The following GRIA4 variants were observed in gnomAD, a reference collection of about 807,000 sequenced individuals.
The protein encoded by GRIA4 is glutamate receptor 4.
In GRIA4, 34 loss-of-function variants were observed where a neutral mutation model predicts 104.0. That is an observed-to-expected ratio of 0.33 (90% CI 0.25 to 0.44). The LOEUF is 0.44. Among genes scored for constraint, GRIA4 ranks in the 20% least tolerant of loss-of-function variants. The probability of loss-of-function intolerance (pLI) is 1.00; values close to 1 mark genes in which losing one functional copy is unlikely to be tolerated. For synonymous variants in GRIA4, 386 were observed against 381.9 expected, an observed-to-expected ratio of 1.01 and a Z score of -0.13; for missense variants, 750 against 1,096.5, an observed-to-expected ratio of 0.68 and a Z score of 4.46.
rs866836712 is a variant in GRIA4, at chr11:105,636,112, A to T, written c.247+23678A>T. Reference sequence around the variant, plus strand: ...GCATGAAACAGATTTGGAATACAAAATAAGGAGCTTCCAATACAAAAAGAG... The same window carrying T: ...GCATGAAACAGATTTGGAATACAAATTAAGGAGCTTCCAATACAAAAAGAG... On this transcript the variant is annotated intron_variant, in intron 3 of 16. Transcript: ENST00000282499. Among the ~76,000 whole-genome samples the T allele has an allele frequency of 5.9e-5, 9 of 152,162 alleles. 1 individual carries two copies. Among genetic ancestry groups the T allele is most frequent in the South Asian group, 4.1e-4 (2 of 4,836 alleles).
At chr11:105,797,729 T>C (rs779425359) in intron 4 of GRIA4, 30 of 423,790 alleles carry the variant, frequency 7.1e-5, no homozygotes, top group Non-Finnish European at 1.4e-4. Flanking sequence ...TTTGTAGGAC[T>C]TGTAATCAGT....
At chr11:105,668,839 CT>C (rs923681301) in intron 3 of GRIA4, among the ~76,000 whole-genome samples, 5 of 151,648 alleles carry the variant, frequency 3.3e-5, no homozygotes, top group African/African-American at 7.3e-5. Flanking sequence ...ATCATTTTAT[CT>C]TTTTTTGGCT....
intron 4 of GRIA4, among the ~76,000 whole-genome samples, chr11:105,781,771 C>T (rs547742668): frequency 3.7e-4 from 57 of 152,106 alleles, no homozygotes; most frequent in African/African-American, 1.1e-3. Flanking sequence ...TTATAGTGAA[C>T]GCAAGAGGAA....
At chr11:105,731,880 G>T (rs934273135) in intron 3 of GRIA4, among the ~76,000 whole-genome samples, 3 of 151,946 alleles carry the variant, frequency 2.0e-5, no homozygotes, top group Non-Finnish European at 4.4e-5. Flanking sequence ...CCTGTCGGGG[G>T]GTGGGGGACA....
chr11:105,937,458 AATC>A (rs1948075592), intron 14 of GRIA4, among the ~76,000 whole-genome samples: 1 of 152,180 alleles, frequency 6.6e-6, no homozygotes, highest in Non-Finnish European at 1.5e-5. Flanking sequence ...CTTTGGAGCG[AATC>A]ATCATTCGGT....
chr11:105,917,240 G>A (rs1267015248), intron 10 of GRIA4, among the ~76,000 whole-genome samples: 2 of 152,154 alleles, frequency 1.3e-5, no homozygotes, highest in African/African-American at 2.4e-5. Flanking sequence ...ATTAAAAAAA[G>A]TGGGAGGTTT....
intron 3 of GRIA4, among the ~76,000 whole-genome samples, chr11:105,634,017 A>G (rs1951109460): frequency 6.6e-6 from 1 of 152,118 alleles, no homozygotes; most frequent in Admixed American, 6.5e-5. Flanking sequence ...AAACAGAGAC[A>G]ATAGTAGTAA....
intron 4 of GRIA4, among the ~76,000 whole-genome samples, chr11:105,767,773 C>A (rs190404663): frequency 9.2e-5 from 14 of 151,948 alleles, no homozygotes; most frequent in Non-Finnish European, 1.5e-4. Context: ...ATTTTTCAAA[C>A]GAGAAAAATG....
At chr11:105,708,131 C>G (rs1302287478) in intron 3 of GRIA4, among the ~76,000 whole-genome samples, 1 of 152,010 alleles carries the variant, frequency 6.6e-6, no homozygotes, top group African/African-American at 2.4e-5. Flanking sequence ...CCATCATCAT[C>G]CAGATAACTT....
intron 10 of GRIA4, chr11:105,912,185 C>T (rs1463251543): frequency 2.0e-6 from 2 of 1,004,458 alleles, no homozygotes; most frequent in African/African-American, 3.4e-5. Context: ...AATGAGGTCA[C>T]TGTATGTAAA....
chr11:105,778,454 C>A (rs59214931), intron 4 of GRIA4, among the ~76,000 whole-genome samples: 1 of 152,192 alleles, frequency 6.6e-6, no homozygotes, highest in South Asian at 2.1e-4. Context: ...CGCCTGTAAT[C>A]CCAACACTTT....
intron 3 of GRIA4, among the ~76,000 whole-genome samples, chr11:105,691,491 G>C (rs928387412): frequency 6.6e-6 from 1 of 152,038 alleles, no homozygotes; most frequent in African/African-American, 2.4e-5. Context: ...TAGTTTGCTT[G>C]GCTTAATTAA....
At chr11:105,938,766 G>T (rs528033936) in intron 14 of GRIA4, among the ~76,000 whole-genome samples, 65 of 152,234 alleles carry the variant, frequency 4.3e-4, no homozygotes, top group African/African-American at 1.5e-3. Flanking sequence ...TTGCTATTAA[G>T]TATACTGGTG....
chr11:105,668,678 T>TTG (rs1207022484), intron 3 of GRIA4, among the ~76,000 whole-genome samples: 1 of 34,766 alleles, frequency 2.9e-5, no homozygotes, highest in African/African-American at 8.7e-5. Context: ...ATCTTTTGTC[T>TTG]TTTTTTTTTT....
intron 5 of GRIA4, among the ~76,000 whole-genome samples, chr11:105,880,488 A>T (rs935605006): frequency 6.6e-6 from 1 of 152,202 alleles, no homozygotes; most frequent in Non-Finnish European, 1.5e-5. Context: ...CCCTATCCAA[A>T]CCATATCTCT....
chr11:105,643,884 A>C (rs1457210007), intron 3 of GRIA4, among the ~76,000 whole-genome samples: 2 of 151,976 alleles, frequency 1.3e-5, no homozygotes, highest in Non-Finnish European at 2.9e-5. Flanking sequence ...GTGTCTGGCT[A>C]ATTTTGGTAG....
intron 3 of GRIA4, among the ~76,000 whole-genome samples, chr11:105,692,005 G>C (rs1035292402): frequency 6.7e-5 from 10 of 148,880 alleles, no homozygotes; most frequent in African/African-American, 2.5e-4. Flanking sequence ...GCATTAAAGA[G>C]AACATGTAAA....
chr11:105,867,521 G>A (rs1346460506), intron 5 of GRIA4, among the ~76,000 whole-genome samples: 5 of 152,070 alleles, frequency 3.3e-5, no homozygotes, highest in African/African-American at 1.2e-4. Flanking sequence ...AGTTCCCCCG[G>A]ACTCCCAAAA....
At chr11:105,637,640 G>A (rs1951242478) in intron 3 of GRIA4, among the ~76,000 whole-genome samples, 1 of 152,120 alleles carries the variant, frequency 6.6e-6, no homozygotes, top group Non-Finnish European at 1.5e-5. Flanking sequence ...GTAAATACCT[G>A]CCTGTTTTAG....
Sources: gnomAD v4.1 joint callset for allele counts (sites outside exome capture counted in the v4.1 genomes callset) on GRCh38, gnomAD v4.1.1 for gene constraint, MANE v1.5 for transcripts, NCBI Gene and HGNC (gene_info 2026-07-23, HGNC 2026-07-21) for gene names.